Variants in TMTC2 observed in about 807,000 individuals in gnomAD.
TMTC2 encodes protein O-mannosyl-transferase TMTC2.
TMTC2 carries 43 observed loss-of-function variants against 82.4 expected under a neutral mutation model. The ratio of observed to expected loss-of-function variants is 0.52; its 90% CI spans 0.41 to 0.67. The LOEUF (loss-of-function observed/expected upper bound fraction) is 0.67, where lower values mean the gene tolerates loss of function less well. Among genes scored for constraint, TMTC2 ranks in the 30% least tolerant of loss-of-function variants. The probability of loss-of-function intolerance (pLI) is 0.00; values close to 1 mark genes in which losing one functional copy is unlikely to be tolerated. For synonymous variants in TMTC2, 408 were observed against 381.9 expected (o/e 1.07, Z -0.80); for missense variants, 919 against 1,012.4 (o/e 0.91, Z 1.25).
At chr12:83,055,705 GGTGTGT>G (rs58129444) in intron 10 of TMTC2, among the ~76,000 whole-genome samples, 96 of 147,960 alleles carry the variant, frequency 6.5e-4, no homozygotes, top group Middle Eastern at 3.4e-3. Context: ...TAGTGGAAGG[GGTGTGT>G]GTGTGTGTGT....
intron 2 of TMTC2, among the ~76,000 whole-genome samples, chr12:82,859,927 G>A (rs1446343570): frequency 2.0e-5 from 3 of 152,182 alleles, no homozygotes; most frequent in Non-Finnish European, 1.5e-5. Context: ...TGGGGCCAAT[G>A]AGCTTAATAA....
At position 82,687,441 on chromosome 12, in the gene TMTC2, G is replaced by A; in HGVS notation, c.-146G>A. The A allele has an allele frequency of 5.6e-6, 4 of 719,474 alleles. No individual in the cohort carries two copies. The highest frequency in any genetic ancestry group is 2.3e-6 in the Non-Finnish European group (1 of 429,182). 44.6% of individuals were successfully genotyped at this position (719,474 alleles called of 1,614,324 possible). On this transcript the variant is annotated 5_prime_UTR_variant, in exon 1 of 12. Transcript: ENST00000321196. Reference sequence around the variant, plus strand: ...GGAGGAGAGGAGTCGTGGATTGGAAGGACCCGAGGGAGGGAGGGTGGGGAA... The same window carrying A: ...GGAGGAGAGGAGTCGTGGATTGGAAAGACCCGAGGGAGGGAGGGTGGGGAA...
intron 8 of TMTC2, among the ~76,000 whole-genome samples, chr12:83,026,715 T>TGC (rs1473986224): frequency 2.0e-5 from 3 of 147,898 alleles, no homozygotes; most frequent in Non-Finnish European, 4.4e-5. Context: ...AGTGTGTGTG[T>TGC]GTGTGTGTGT....
At chr12:82,923,205 C>T (rs571617295) in intron 3 of TMTC2, among the ~76,000 whole-genome samples, 1 of 152,040 alleles carries the variant, frequency 6.6e-6, no homozygotes, top group Non-Finnish European at 1.5e-5. Context: ...TAAAAGATAT[C>T]TTGTTGTTAT....
intron 3 of TMTC2, among the ~76,000 whole-genome samples, chr12:82,898,353 A>G (rs1296808048): frequency 1.3e-5 from 2 of 152,220 alleles, no homozygotes; most frequent in African/African-American, 4.8e-5. Flanking sequence ...TATGTTGCCA[A>G]TTTATTTTCC....
chr12:82,705,684 A>G (rs1333038413), intron 1 of TMTC2, among the ~76,000 whole-genome samples: 1 of 152,206 alleles, frequency 6.6e-6, no homozygotes, highest in Non-Finnish European at 1.5e-5. Context: ...GAAATGTGCT[A>G]TCTCCCGAGA....
chr12:82,828,762 G>A (rs954386624), intron 1 of TMTC2, among the ~76,000 whole-genome samples: 2 of 151,976 alleles, frequency 1.3e-5, no homozygotes, highest in Non-Finnish European at 2.9e-5. Flanking sequence ...GTCATGCACA[G>A]CACAGATTAT....
rs564065140 is a variant in TMTC2, at chr12:82,797,503, T to C, written c.84-59507T>C. Among the ~76,000 whole-genome samples, 5 of 152,276 alleles carry C rather than the reference T, an allele frequency of 3.3e-5. No homozygotes were observed. The South Asian group carries it at 6.2e-4, about 19-fold the overall frequency. On this transcript the variant is annotated intron_variant, in intron 1 of 11. Coordinates refer to ENST00000321196, the MANE Select transcript of TMTC2 (RefSeq NM_152588.3). Reference sequence around the variant, plus strand: ...GTACGGTCTCCTGATACATGGTGTTTTAGGAAGCACTGTGTTCTTCAAGTA... The same window carrying C: ...GTACGGTCTCCTGATACATGGTGTTCTAGGAAGCACTGTGTTCTTCAAGTA...
intron 1 of TMTC2, among the ~76,000 whole-genome samples, chr12:82,707,037 CTT>C (rs1407878662): frequency 6.6e-6 from 1 of 152,258 alleles, no homozygotes; most frequent in South Asian, 2.1e-4. Flanking sequence ...ATAATAAAGA[CTT>C]TTGGTTATAA....
Position 83,024,166 on chromosome 12 carries a change from C to A in TMTC2, c.2071-6632C>A, listed in dbSNP as rs183072124. Among the ~76,000 whole-genome samples the A allele has an allele frequency of 2.6e-5, 4 of 152,228 alleles. No homozygotes were observed. The East Asian group carries it at 7.7e-4, about 29-fold the overall frequency. ...AGTTGATGGACACCCCACCTCAACA[C>A]ACTCTGACTTGGTCATTATATGGAA... On this transcript the variant is annotated intron_variant, in intron 8 of 11. Transcript: ENST00000321196.
At chr12:83,032,778 C>G (rs1302153226) in intron 9 of TMTC2, among the ~76,000 whole-genome samples, 1 of 151,982 alleles carries the variant, frequency 6.6e-6, no homozygotes, top group African/African-American at 2.4e-5. Flanking sequence ...CCAGGCTGGT[C>G]TCAAACTCCT....
intron 1 of TMTC2, among the ~76,000 whole-genome samples, chr12:82,761,866 C>T (rs563126488): frequency 5.5e-3 from 248 of 45,466 alleles, no homozygotes; most frequent in Middle Eastern, 0.011. Flanking sequence ...GACTGTTTCT[C>T]TTTCTCTCTT....
chr12:82,944,637 A>T (rs1208937154), intron 4 of TMTC2, among the ~76,000 whole-genome samples: 2 of 152,112 alleles, frequency 1.3e-5, no homozygotes, highest in Non-Finnish European at 2.9e-5. Context: ...GTACAGTAAA[A>T]GACTAAGTTG....
chr12:82,689,123 G>C (rs901537688), intron 1 of TMTC2, among the ~76,000 whole-genome samples: 33 of 152,142 alleles, frequency 2.2e-4, no homozygotes, highest in Admixed American at 6.5e-4. Flanking sequence ...GTAAATTTCT[G>C]TTCTCTCCAA....
chr12:82,834,687 G>A (rs75153223), intron 1 of TMTC2, among the ~76,000 whole-genome samples: 1,661 of 152,132 alleles, frequency 0.011, 22 homozygotes, highest in Non-Finnish European at 0.017. Flanking sequence ...TGTCATCTTG[G>A]TTGCTATTTT....
chr12:83,029,330 A>T lies in TMTC2; in HGVS notation c.2071-1468A>T, dbSNP rs989239776. Among the ~76,000 whole-genome samples, 6 of 152,148 alleles carry T rather than the reference A, an allele frequency of 3.9e-5. No homozygotes were observed. In the East Asian group the frequency reaches 7.7e-4, roughly 20 times the overall value. On this transcript the variant is annotated intron_variant, in intron 8 of 11. Transcript: ENST00000321196. Reference sequence around the variant, plus strand: ...TGACAGTTATGCATGAACCTTTTTAAAAAAAAACTGATCAGCTATCATTAG... The same window carrying T: ...TGACAGTTATGCATGAACCTTTTTATAAAAAAACTGATCAGCTATCATTAG...
At chr12:82,813,021 A>G (rs1868484330) in intron 1 of TMTC2, among the ~76,000 whole-genome samples, 1 of 152,084 alleles carries the variant, frequency 6.6e-6, no homozygotes, top group African/African-American at 2.4e-5. Context: ...GAAATATATC[A>G]GACTAGTACT....
chr12:82,767,636 A>G (rs1592505332), intron 1 of TMTC2, among the ~76,000 whole-genome samples: 1 of 151,908 alleles, frequency 6.6e-6, no homozygotes, highest in South Asian at 2.1e-4. Context: ...GTCAGTTTTT[A>G]TTAATTTTGT....
At chr12:82,964,710 A>G (rs1384132373) in intron 4 of TMTC2, among the ~76,000 whole-genome samples, 2 of 152,144 alleles carry the variant, frequency 1.3e-5, no homozygotes, top group Non-Finnish European at 2.9e-5. Flanking sequence ...TGCTCCAAGA[A>G]GAAAACCAGG....
Sources: gnomAD v4.1 joint callset for allele counts (sites outside exome capture counted in the v4.1 genomes callset) on GRCh38, gnomAD v4.1.1 for gene constraint, MANE v1.5 for transcripts, NCBI Gene and HGNC (gene_info 2026-07-23, HGNC 2026-07-21) for gene names.